The following TM9SF4 variants were observed in gnomAD, a reference collection of about 807,000 sequenced individuals.
The protein encoded by TM9SF4 is transmembrane 9 superfamily member 4.
A neutral mutation model predicts 90.4 loss-of-function variants in TM9SF4; 26 were observed. That is an observed-to-expected ratio of 0.29 (90% CI 0.21 to 0.40). The LOEUF (loss-of-function observed/expected upper bound fraction) is 0.40, where lower values mean the gene tolerates loss of function less well. Among genes scored for constraint, TM9SF4 ranks in the 10% least tolerant of loss-of-function variants. TM9SF4 has a pLI of 1.00. For synonymous variants in TM9SF4, 293 were observed against 315.4 expected, an observed-to-expected ratio of 0.93 and a Z score of 0.75; for missense variants, 549 against 834.8, an observed-to-expected ratio of 0.66 and a Z score of 4.22.
intron 1 of TM9SF4, among the ~76,000 whole-genome samples, chr20:32,118,824 A>G (rs1416743429): frequency 6.6e-6 from 1 of 151,802 alleles, no homozygotes. Context: ...CTTTGTAGAG[A>G]CGAGGTTTTG....
rs573469585 is a variant in TM9SF4 at position 32,155,044 on chromosome 20, C to T, written c.1246-59C>T. Reference sequence around the variant, plus strand: ...AGAGCTTCTGGTCTGGGGGCCCCACCGGGACAGGTAGGGGAGGTCCCTGGA... The same window carrying T: ...AGAGCTTCTGGTCTGGGGGCCCCACTGGGACAGGTAGGGGAGGTCCCTGGA... On this transcript the variant is annotated intron_variant, in intron 12 of 17. Transcript: ENST00000398022. 163 of 1,459,232 alleles carry T rather than the reference C, an allele frequency of 1.1e-4. 2 individuals carry two copies. Among genetic ancestry groups the T allele is most frequent in the Admixed American group, 3.9e-4 (23 of 59,732 alleles). The allele number at this position is 1,459,232 out of a possible 1,614,324, so 90.4% of individuals were successfully genotyped here.
At chr20:32,141,169 A>G (rs2122403151) in intron 3 of TM9SF4, among the ~76,000 whole-genome samples, 1 of 141,548 alleles carries the variant, frequency 7.1e-6, no homozygotes, top group East Asian at 2.2e-4. Context: ...GTGAGCTGAG[A>G]TCGTGCCACT....
At chr20:32,144,809 A>G (rs1301906284) in intron 6 of TM9SF4, among the ~76,000 whole-genome samples, 1 of 152,212 alleles carries the variant, frequency 6.6e-6, no homozygotes, top group African/African-American at 2.4e-5. Flanking sequence ...GCTACTCCGG[A>G]AGCTGAAGCA....
rs1220352666 is a variant in TM9SF4 at position 32,166,781 on chromosome 20, C to T, written c.*1337C>T. 1 of 152,188 alleles carries T rather than the reference C, an allele frequency of 6.6e-6. No individual in the cohort carries two copies. The highest frequency in any genetic ancestry group is 1.5e-5 in the Non-Finnish European group (1 of 68,062). 9.4% of individuals were successfully genotyped at this position (152,188 alleles called of 1,614,324 possible). A position where few individuals can be genotyped will look rare whatever the true frequency, so the allele number is the denominator to read the frequency against. ...CTCTTAAGTTACAAGAGACCACATC[C>T]ACCCAGGGATTAGGGTTCAAGTAGC... On this transcript the variant is annotated 3_prime_UTR_variant, in exon 18 of 18. Coordinates refer to ENST00000398022, the MANE Select transcript of TM9SF4 (RefSeq NM_014742.4).
chr20:32,146,329 C>G (rs78249017), intron 8 of TM9SF4, among the ~76,000 whole-genome samples: 2,585 of 152,148 alleles, frequency 0.017, 73 homozygotes, highest in African/African-American at 0.059. Context: ...GAGTGAGCCT[C>G]GAAGCACGCG....
At chr20:32,152,641 A>G (rs1033416378) in intron 12 of TM9SF4, among the ~76,000 whole-genome samples, 1 of 151,970 alleles carries the variant, frequency 6.6e-6, no homozygotes, top group Admixed American at 6.6e-5. Context: ...GTCATCTCCA[A>G]CAGCCTGCAG....
chr20:32,132,572 C>A (rs889448844), intron 1 of TM9SF4, among the ~76,000 whole-genome samples: 5 of 152,044 alleles, frequency 3.3e-5, no homozygotes, highest in East Asian at 1.9e-4. Context: ...GAGGCCAGCA[C>A]GGTTTTGGAG....
chr20:32,133,882 C>T (rs2046556454), intron 2 of TM9SF4, among the ~76,000 whole-genome samples: 1 of 152,210 alleles, frequency 6.6e-6, no homozygotes, highest in African/African-American at 2.4e-5. Context: ...GCATAGCTCA[C>T]TGCAGCTTTG....
chr20:32,161,227 A>C (rs1343823238), intron 16 of TM9SF4, 49 bp from the exon 17 acceptor site: 1 of 1,540,542 alleles, frequency 6.5e-7, no homozygotes, highest in South Asian at 1.1e-5. Flanking sequence ...ATTGGTAGGA[A>C]GGGGTTCTGC....
chr20:32,157,997 G>C (rs779271776), intron 14 of TM9SF4, 28 bp downstream of exon 14: 4 of 1,612,774 alleles, frequency 2.5e-6, no homozygotes, highest in Non-Finnish European at 3.4e-6. Context: ...GGCAAGAGCA[G>C]GGGAACGTGG....
At chr20:32,145,482 A>G (rs901093954) in intron 8 of TM9SF4, 59 bp downstream of exon 8, 16 of 1,473,300 alleles carry the variant, frequency 1.1e-5, no homozygotes, top group Non-Finnish European at 1.5e-5. Flanking sequence ...GGACTGAGAC[A>G]TCACATCATG....
chr20:32,111,109 C>T (rs959033059), intron 1 of TM9SF4, among the ~76,000 whole-genome samples: 3 of 152,146 alleles, frequency 2.0e-5, no homozygotes, highest in African/African-American at 7.2e-5. Flanking sequence ...GAGAACTTAC[C>T]TTTGTTTAAT....
intron 1 of TM9SF4, among the ~76,000 whole-genome samples, chr20:32,123,030 G>A (rs1432131823): frequency 4.0e-5 from 6 of 150,824 alleles, no homozygotes; most frequent in Non-Finnish European, 5.9e-5. Flanking sequence ...CCAGTCAGGC[G>A]TGGCGGCGTG....
At chr20:32,143,735 T>C (rs2046716151) in intron 6 of TM9SF4, among the ~76,000 whole-genome samples, 1 of 152,032 alleles carries the variant, frequency 6.6e-6, no homozygotes, top group South Asian at 2.1e-4. Flanking sequence ...GGACTTTTTT[T>C]TTTTTTCCAC....
In TM9SF4 at chr20:32,156,942, C is replaced by CTTTTTTTTTTTTTTTTTT. The variant is rs71185385; in HGVS notation, c.1330-837_1330-836insTTTTTTTTTTTTTTTTTT. Among the ~76,000 whole-genome samples, 123 of 103,458 alleles carry CTTTTTTTTTTTTTTTTTT rather than the reference C, an allele frequency of 1.2e-3. 11 individuals are homozygous for CTTTTTTTTTTTTTTTTTT. The highest frequency in any genetic ancestry group is 5.2e-3 in the African/African-American group (113 of 21,562). The allele number at this position is 103,458 out of a possible 152,430, so 67.9% of individuals were successfully genotyped here. On this transcript the variant is annotated intron_variant, in intron 13 of 17. Coordinates refer to ENST00000398022, the MANE Select transcript of TM9SF4 (RefSeq NM_014742.4). ...TATTTTTTTTTTTCCTGGACATTTT[C>CTTTTTTTTTTTTTTTTTT]TTTTTTTTTTTTTTTGAGACGAAGT... is the stretch of plus-strand genomic sequence containing the variant.
chr20:32,123,192 A>G (rs1210997509), intron 1 of TM9SF4, among the ~76,000 whole-genome samples: 72 of 1,008 alleles, frequency 0.071, no homozygotes, highest in Non-Finnish European at 0.11. Context: ...GGAGGGGGAG[A>G]GGGGGAGGGG....
intron 3 of TM9SF4, among the ~76,000 whole-genome samples, chr20:32,136,451 C>T (rs2046595715): frequency 6.6e-6 from 1 of 152,156 alleles, no homozygotes; most frequent in African/African-American, 2.4e-5. Context: ...GTTTTGGATC[C>T]ACAGTCAGTC....
intron 3 of TM9SF4, 93 bp downstream of exon 3, chr20:32,136,266 C>A: frequency 8.3e-7 from 1 of 1,198,252 alleles, no homozygotes; most frequent in Non-Finnish European, 1.2e-6. Flanking sequence ...TTGCTATATT[C>A]TAGACACTGG....
At chr20:32,139,360 A>T (rs906155706) in intron 3 of TM9SF4, among the ~76,000 whole-genome samples, 11 of 152,160 alleles carry the variant, frequency 7.2e-5, no homozygotes, top group African/African-American at 2.7e-4. Flanking sequence ...CCCACCTAGA[A>T]CCTGGTTGTA....
Sources: gnomAD v4.1 joint callset for allele counts (sites outside exome capture counted in the v4.1 genomes callset) on GRCh38, gnomAD v4.1.1 for gene constraint, MANE v1.5 for transcripts, NCBI Gene and HGNC (gene_info 2026-07-23, HGNC 2026-07-21) for gene names.